The following LRRTM4 variants were observed in gnomAD, a reference collection of about 807,000 sequenced individuals.
The protein encoded by LRRTM4 is leucine rich repeat transmembrane neuronal 4.
A neutral mutation model predicts 47.6 loss-of-function variants in LRRTM4; 25 were observed. The observed-to-expected ratio is 0.53, with a 90% CI of 0.38 to 0.73. The LOEUF (loss-of-function observed/expected upper bound fraction) is 0.73, where lower values mean the gene tolerates loss of function less well. LRRTM4 is among the 30% of genes least tolerant of loss of function. LRRTM4 has a pLI of 0.00. For missense variants in LRRTM4, 638 were observed against 713.4 expected (o/e 0.89, Z 1.20); for synonymous variants, 311 against 269.5 (o/e 1.15, Z -1.51).
chr2:76,848,088 A>T (rs1317153356), intron 3 of LRRTM4, among the ~76,000 whole-genome samples: 1 of 151,978 alleles, frequency 6.6e-6, no homozygotes, highest in Non-Finnish European at 1.5e-5. Context: ...CTTTTTTCTC[A>T]AAGTTTTTTT....
intron 3 of LRRTM4, among the ~76,000 whole-genome samples, chr2:77,385,580 C>G (rs1673228800): frequency 6.6e-6 from 1 of 152,036 alleles, no homozygotes; most frequent in Admixed American, 6.6e-5. Flanking sequence ...AGTATAATTT[C>G]TGATATCCTT....
intron 3 of LRRTM4, among the ~76,000 whole-genome samples, chr2:77,023,793 C>T (rs1678356379): frequency 6.6e-6 from 1 of 152,166 alleles, no homozygotes; most frequent in African/African-American, 2.4e-5. Context: ...TTCCTGTCTT[C>T]TTTTGGGCCC....
At chr2:76,993,562 T>G (rs1246925887) in intron 3 of LRRTM4, among the ~76,000 whole-genome samples, 1 of 151,964 alleles carries the variant, frequency 6.6e-6, no homozygotes, top group East Asian at 1.9e-4. Flanking sequence ...TGACATATTA[T>G]CTCACATAAG....
At chr2:76,808,045 T>C (rs1365961821) in intron 3 of LRRTM4, among the ~76,000 whole-genome samples, 1 of 150,134 alleles carries the variant, frequency 6.7e-6, no homozygotes, top group East Asian at 2.0e-4. Flanking sequence ...TTCTTTCTTG[T>C]TTTGCTCTTG....
intron 3 of LRRTM4, among the ~76,000 whole-genome samples, chr2:77,508,610 A>C (rs540351528): frequency 5.3e-5 from 8 of 152,182 alleles, no homozygotes; most frequent in Admixed American, 2.6e-4. Context: ...CTCTCATTTC[A>C]TAGTACGCAA....
chr2:76,798,533 TA>T (rs371505671), intron 3 of LRRTM4, among the ~76,000 whole-genome samples: 15,738 of 148,012 alleles, frequency 0.11, 774 homozygotes, highest in Non-Finnish European at 0.14. Context: ...ACATCACAAT[TA>T]AAAGAACTAG....
rs747709024 is a variant in LRRTM4 at position 76,848,155 on chromosome 2, C to A, written c.1552-99239G>T. On this transcript the variant is annotated intron_variant, in intron 3 of 3. Coordinates refer to ENST00000409884, the MANE Select transcript of LRRTM4 (RefSeq NM_001134745.3). ...GGAGTGAAGGGGTAGAAAACAACTT[C>A]TTTCCCCAATAAATTTGCCTCTTTA... 3.3e-5 allele frequency among the ~76,000 whole-genome samples: 5 copies of A among 152,026 alleles called. No homozygotes were observed. In the South Asian group the frequency reaches 6.2e-4, roughly 19 times the overall value.
chr2:76,980,825 A>C (rs1363894057), intron 3 of LRRTM4, among the ~76,000 whole-genome samples: 1 of 152,084 alleles, frequency 6.6e-6, no homozygotes, highest in Non-Finnish European at 1.5e-5. Flanking sequence ...GATTAGAAGG[A>C]GTGAAGGTGC....
intron 3 of LRRTM4, among the ~76,000 whole-genome samples, chr2:77,121,646 TA>T (rs1671523122): frequency 6.6e-6 from 1 of 151,794 alleles, no homozygotes; most frequent in Non-Finnish European, 1.5e-5. Context: ...TAAAGCAGCA[TA>T]AATGTTATTG....
At chr2:76,850,879 C>G (rs1671972801) in intron 3 of LRRTM4, among the ~76,000 whole-genome samples, 2 of 152,170 alleles carry the variant, frequency 1.3e-5, no homozygotes, top group African/African-American at 2.4e-5. Flanking sequence ...AGAAATGGAT[C>G]AAATATCCTA....
At position 77,519,843 on chromosome 2, in the gene LRRTM4, A is replaced by C; in HGVS notation, c.26T>G (p.Leu9Arg). 1 of 1,604,130 alleles carries C rather than the reference A, an allele frequency of 6.2e-7. No individual in the cohort carries two copies. Among genetic ancestry groups the C allele is most frequent in the Non-Finnish European group, 8.5e-7 (1 of 1,174,698 alleles). ...CACCAGCACCACACTCATGCCTTTC[A>C]GCTGCGTAATTAAATGGAAACCTAC... MGFHLITQ[L>R]KGMSVVLVLL... Residue 9 changes from leucine to arginine, a missense_variant, in exon 3 of 4, where the codon CTG (leucine) becomes CGG (arginine). Leu to Arg is a moderately radical substitution (Grantham distance 102). Transcript: ENST00000409884. The surrounding 1 kb of genome is among the most constrained non-coding windows in gnomAD (Gnocchi z 4.6).
intron 3 of LRRTM4, among the ~76,000 whole-genome samples, chr2:76,765,300 T>G (rs1673414084): frequency 6.6e-6 from 1 of 152,208 alleles, no homozygotes; most frequent in African/African-American, 2.4e-5. Context: ...CATTCTCACC[T>G]ATATCTGATT....
intron 3 of LRRTM4, among the ~76,000 whole-genome samples, chr2:77,251,971 G>A (rs1211664228): frequency 2.6e-5 from 4 of 152,118 alleles, no homozygotes; most frequent in Admixed American, 1.3e-4. Context: ...GCATGAATAT[G>A]TTAATTTAAA....
intron 3 of LRRTM4, among the ~76,000 whole-genome samples, chr2:76,921,330 C>G (rs551480204): frequency 1.3e-5 from 2 of 152,160 alleles, no homozygotes; most frequent in African/African-American, 4.8e-5. Flanking sequence ...AAGTTCCCTT[C>G]TCAGCTATCA....
intron 3 of LRRTM4, among the ~76,000 whole-genome samples, chr2:77,031,249 T>C (rs1471407539): frequency 6.6e-6 from 1 of 152,200 alleles, no homozygotes; most frequent in Non-Finnish European, 1.5e-5. Flanking sequence ...CTAAGTGTAC[T>C]ATGCATTAAT....
chr2:77,361,516 C>T (rs1192234236), intron 3 of LRRTM4, among the ~76,000 whole-genome samples: 1 of 152,162 alleles, frequency 6.6e-6, no homozygotes, highest in Admixed American at 6.5e-5. Flanking sequence ...CTTAAAAAAA[C>T]TGTTCCCTCA....
intron 3 of LRRTM4, among the ~76,000 whole-genome samples, chr2:76,913,543 A>T (rs1042711552): frequency 7.4e-5 from 9 of 121,482 alleles, no homozygotes; most frequent in Admixed American, 9.6e-5. Context: ...TCCTATTTCA[A>T]TTTTTTTTTT....
At chr2:76,881,702 T>C (rs1046964447) in intron 3 of LRRTM4, among the ~76,000 whole-genome samples, 1 of 152,048 alleles carries the variant, frequency 6.6e-6, no homozygotes, top group African/African-American at 2.4e-5. Context: ...TTAGCTAAGA[T>C]GAAAAAAAGT....
intron 3 of LRRTM4, among the ~76,000 whole-genome samples, chr2:76,872,914 CA>C (rs1672667913): frequency 6.6e-6 from 1 of 152,056 alleles, no homozygotes; most frequent in Non-Finnish European, 1.5e-5. Context: ...CCTCTCTTGC[CA>C]AATGATCTGC....
Sources: gnomAD v4.1 joint callset for allele counts (sites outside exome capture counted in the v4.1 genomes callset) on GRCh38, gnomAD v4.1.1 for gene constraint, Gnocchi (gnomAD v3.1) non-coding constraint, MANE v1.5 for transcripts, NCBI Gene and HGNC (gene_info 2026-07-23, HGNC 2026-07-21) for gene names.